The following TSGA10 variants were observed in gnomAD, a reference collection of about 807,000 sequenced individuals.
TSGA10 encodes testis-specific gene 10 protein.
TSGA10 carries 43 observed loss-of-function variants against 96.6 expected under a neutral mutation model. The ratio of observed to expected loss-of-function variants is 0.44; its 90% CI spans 0.35 to 0.57. TSGA10 has a LOEUF of 0.57. Ranked by LOEUF, TSGA10 falls within the 20% of genes least tolerant of loss-of-function variation. The probability of loss-of-function intolerance (pLI) is 0.01; values close to 1 mark genes in which losing one functional copy is unlikely to be tolerated. For missense variants in TSGA10, 703 were observed against 834.4 expected (o/e 0.84, Z 1.94); for synonymous variants, 229 against 269.9 (o/e 0.85, Z 1.48).
intron 10 of TSGA10, among the ~76,000 whole-genome samples, chr2:99,084,667 G>A (rs1378834729): frequency 1.3e-5 from 2 of 152,020 alleles, no homozygotes; most frequent in Non-Finnish European, 2.9e-5. Context: ...GCCTCCTGAT[G>A]TCTCTTCATC....
intron 17 of TSGA10, among the ~76,000 whole-genome samples, chr2:99,033,330 T>C (rs866294676): frequency 6.6e-6 from 1 of 152,206 alleles, no homozygotes; most frequent in Admixed American, 6.5e-5. Context: ...TCTTCTCTTA[T>C]ATACAGAAGT....
chr2:99,086,312 G>A (rs142699532), intron 10 of TSGA10, among the ~76,000 whole-genome samples: 20 of 152,276 alleles, frequency 1.3e-4, no homozygotes, highest in African/African-American at 4.6e-4. Flanking sequence ...AATGCTTTTG[G>A]AGAAAGCATA....
chr2:99,009,053 T>C (rs1184664066), intron 20 of TSGA10, among the ~76,000 whole-genome samples: 1 of 152,168 alleles, frequency 6.6e-6, no homozygotes, highest in Non-Finnish European at 1.5e-5. Context: ...ACACTTCTCT[T>C]AGTATTATTT....
At chr2:99,103,494 T>C (rs555232113) in intron 10 of TSGA10, among the ~76,000 whole-genome samples, 1 of 152,350 alleles carries the variant, frequency 6.6e-6, no homozygotes, top group African/African-American at 2.4e-5. Context: ...CTAAGTATAG[T>C]ACTTGCATTC....
intron 17 of TSGA10, among the ~76,000 whole-genome samples, chr2:99,032,472 G>A (rs529761390): frequency 1.3e-5 from 2 of 152,308 alleles, no homozygotes; most frequent in East Asian, 3.9e-4. Context: ...CGGCTATCCA[G>A]TGAAACCATG....
At chr2:99,113,694 C>T (rs189028720) in intron 4 of TSGA10, among the ~76,000 whole-genome samples, 31 of 152,204 alleles carry the variant, frequency 2.0e-4, no homozygotes, top group African/African-American at 7.5e-4. Context: ...TACAGGTGCC[C>T]ACCACCATGC....
intron 18 of TSGA10, among the ~76,000 whole-genome samples, chr2:99,019,673 G>A (rs866914067): frequency 3.3e-5 from 5 of 151,936 alleles, no homozygotes; most frequent in African/African-American, 7.3e-5. Context: ...AGGGGTTAAG[G>A]GTCCCCCATC....
At chr2:99,132,752 T>C (rs930366845) in intron 1 of TSGA10, among the ~76,000 whole-genome samples, 2 of 152,226 alleles carry the variant, frequency 1.3e-5, no homozygotes, top group Non-Finnish European at 2.9e-5. Context: ...TTCAGTGCTA[T>C]AAATTTCCCT....
chr2:99,056,716 A>T (rs749755538), intron 16 of TSGA10, among the ~76,000 whole-genome samples: 2 of 151,934 alleles, frequency 1.3e-5, no homozygotes, highest in African/African-American at 4.8e-5. Flanking sequence ...AACATTTTCT[A>T]ACTCATTCTA....
intron 15 of TSGA10, among the ~76,000 whole-genome samples, chr2:99,067,761 C>A (rs6749198): frequency 0.072 from 10,953 of 151,684 alleles, 784 homozygotes; most frequent in East Asian, 0.21. Context: ...GCAGGAGAAT[C>A]GCTTGAACAT....
chr2:99,047,314 A>G (rs2082889725), intron 16 of TSGA10, among the ~76,000 whole-genome samples: 1 of 152,212 alleles, frequency 6.6e-6, no homozygotes, highest in South Asian at 2.1e-4. Context: ...ACCTCAATGC[A>G]AAAATCCTCA....
intron 2 of TSGA10, among the ~76,000 whole-genome samples, chr2:99,120,612 A>G (rs2092519520): frequency 6.6e-6 from 1 of 152,204 alleles, no homozygotes; most frequent in South Asian, 2.1e-4. Context: ...TTTATTTTTA[A>G]ATAAGATTCA....
chr2:99,113,924 G>A (rs1262619776), intron 4 of TSGA10, among the ~76,000 whole-genome samples: 3 of 152,086 alleles, frequency 2.0e-5, no homozygotes, highest in African/African-American at 7.2e-5. Flanking sequence ...CCCAACCCAA[G>A]AACCTGTGAG....
intron 10 of TSGA10, among the ~76,000 whole-genome samples, chr2:99,092,438 G>C (rs2089468787): frequency 6.6e-6 from 1 of 151,786 alleles, no homozygotes; most frequent in Non-Finnish European, 1.5e-5. Flanking sequence ...AAATATCAGA[G>C]CAAAATGAAA....
At chr2:99,153,440 G>A (rs1344501037) in intron 1 of TSGA10, among the ~76,000 whole-genome samples, 1 of 152,170 alleles carries the variant, frequency 6.6e-6, no homozygotes, top group Non-Finnish European at 1.5e-5. Context: ...ATGTTTGAGT[G>A]TCACTTGAAA....
chr2:99,113,822 C>T (rs1402140461), intron 4 of TSGA10, among the ~76,000 whole-genome samples: 2 of 152,176 alleles, frequency 1.3e-5, no homozygotes, highest in African/African-American at 4.8e-5. Context: ...GTTGGAATTA[C>T]AGGTGTAAAC....
rs564269153 is a variant in TSGA10 at position 99,098,050 on chromosome 2, A to C, written c.611+5917T>G. ...ATTGACAGGTCTCCAAGGACAAAAA[A>C]TTTTTATACAGAAAATAGTAAATAT... On this transcript the variant is annotated intron_variant, in intron 10 of 20. Coordinates refer to ENST00000393483, the MANE Select transcript of TSGA10 (RefSeq NM_025244.4). Among the ~76,000 whole-genome samples the C allele has an allele frequency of 1.3e-4, 20 of 152,318 alleles. No individual in the cohort carries two copies. The South Asian group carries it at 4.1e-3, about 32-fold the overall frequency.
intron 1 of TSGA10, among the ~76,000 whole-genome samples, chr2:99,137,469 T>C (rs1431525710): frequency 6.6e-6 from 1 of 152,246 alleles, no homozygotes; most frequent in Non-Finnish European, 1.5e-5. Flanking sequence ...GGCCAAATCA[T>C]GTAAGGCCTT....
At chr2:99,003,256 T>C in intron 20 of TSGA10, among the ~76,000 whole-genome samples, 1 of 152,198 alleles carries the variant, frequency 6.6e-6, no homozygotes, top group Non-Finnish European at 1.5e-5. Context: ...CTATCCTAAA[T>C]ATCTATGCAC....
Sources: allele counts gnomAD v4.1 joint callset (sites outside exome capture counted in the v4.1 genomes callset), GRCh38; gene constraint gnomAD v4.1.1; transcripts MANE v1.5; gene names NCBI Gene and HGNC (gene_info 2026-07-23, HGNC 2026-07-21).